Variants in BEND6 observed in about 807,000 individuals in gnomAD.
The protein encoded by BEND6 is BEN domain containing 6, also known as BEN domain-containing protein 6.
BEND6 carries 24 observed loss-of-function variants against 31.8 expected under a neutral mutation model. That is an observed-to-expected ratio of 0.75 (90% CI 0.55 to 1.06). The LOEUF (loss-of-function observed/expected upper bound fraction) is 1.06. BEND6 is among the 50% of genes least tolerant of loss of function. BEND6 has a pLI of 0.00. For synonymous variants in BEND6, 109 were observed against 114.6 expected (o/e 0.95, Z 0.31); for missense variants, 294 against 327.4 (o/e 0.90, Z 0.79).
At chr6:56,956,706 G>A (rs1303298757) in intron 1 of BEND6, among the ~76,000 whole-genome samples, 2 of 152,222 alleles carry the variant, frequency 1.3e-5, no homozygotes, top group East Asian at 3.8e-4. Context: ...GGCTTCATGG[G>A]TCTCTAGCAC....
At chr6:56,985,920 G>A in intron 2 of BEND6, among the ~76,000 whole-genome samples, 1 of 152,200 alleles carries the variant, frequency 6.6e-6, no homozygotes, top group African/African-American at 2.4e-5. Flanking sequence ...ATATGTGTCT[G>A]TTAACTTCAT....
intron 3 of BEND6, among the ~76,000 whole-genome samples, chr6:56,994,195 C>T (rs1473820971): frequency 6.6e-6 from 1 of 151,934 alleles, no homozygotes; most frequent in Non-Finnish European, 1.5e-5. Flanking sequence ...CGCAGTGGCT[C>T]ACGCCTGTAA....
chr6:57,013,111 T>C (rs190130754), intron 3 of BEND6, among the ~76,000 whole-genome samples: 2 of 152,316 alleles, frequency 1.3e-5, no homozygotes, highest in African/African-American at 4.8e-5. Flanking sequence ...ATTTTTTGCA[T>C]ATACCTCAAG....
At position 56,992,499 on chromosome 6, in the gene BEND6, T is replaced by C; in HGVS notation, c.242T>C (p.Leu81Pro). The change falls in exon 3 of 7, where the codon CTA becomes CCA. Residue 81 changes from leucine (L) to proline (P), a missense_variant. Coordinates refer to ENST00000370746, the MANE Select transcript of BEND6 (RefSeq NM_152731.3). ...AAAATAAAAAGCCTGAAAGAAAAAC[T>C]AACAAACACCCGGAAAGAAAACAGC... ...CAKIKSLKEK[L>P]TNTRKENSRL... The C allele has an allele frequency of 6.2e-7, 1 of 1,614,034 alleles. No homozygotes were observed. Among genetic ancestry groups the C allele is most frequent in the Non-Finnish European group, 8.5e-7 (1 of 1,179,978 alleles).
At chr6:56,963,567 C>G (rs1825360293) in intron 1 of BEND6, among the ~76,000 whole-genome samples, 1 of 152,032 alleles carries the variant, frequency 6.6e-6, no homozygotes, top group Non-Finnish European at 1.5e-5. Flanking sequence ...ACCTGGCTGT[C>G]CTTTATAAAA....
intron 2 of BEND6, among the ~76,000 whole-genome samples, chr6:56,985,582 C>T (rs568118116): frequency 2.6e-5 from 4 of 152,298 alleles, no homozygotes; most frequent in South Asian, 2.1e-4. Context: ...CAAAATACTC[C>T]TGCTCATATC....
At chr6:57,003,422 G>A (rs1213730967) in intron 3 of BEND6, among the ~76,000 whole-genome samples, 1 of 152,072 alleles carries the variant, frequency 6.6e-6, no homozygotes, top group African/African-American at 2.4e-5. Flanking sequence ...GATTGCTTGA[G>A]CCCGAGAGAT....
At chr6:56,973,130 C>A (rs561206636) in intron 1 of BEND6, among the ~76,000 whole-genome samples, 16 of 152,240 alleles carry the variant, frequency 1.1e-4, no homozygotes, top group African/African-American at 3.6e-4. Flanking sequence ...TGAGAGAACC[C>A]TTCCTGGAGT....
At chr6:57,018,132 C>T (rs1282256328) in intron 5 of BEND6, among the ~76,000 whole-genome samples, 1 of 152,126 alleles carries the variant, frequency 6.6e-6, no homozygotes, top group Admixed American at 6.5e-5. Flanking sequence ...AAATACATTC[C>T]TAACATTTTA....
At chr6:57,004,137 C>T (rs1477692138) in intron 3 of BEND6, among the ~76,000 whole-genome samples, 1 of 152,174 alleles carries the variant, frequency 6.6e-6, no homozygotes, top group Non-Finnish European at 1.5e-5. Context: ...TGACCACTGT[C>T]ATCACTCCTA....
At chr6:56,970,216 A>G (rs570414121) in intron 1 of BEND6, among the ~76,000 whole-genome samples, 1 of 151,398 alleles carries the variant, frequency 6.6e-6, no homozygotes, top group Non-Finnish European at 1.5e-5. Context: ...TTTTTTTGAG[A>G]CAGAGTCTCA....
At chr6:56,968,312 C>CTTTTTTTTTTTTTTTTTTTT (rs779756084) in intron 1 of BEND6, among the ~76,000 whole-genome samples, 5 of 65,988 alleles carry the variant, frequency 7.6e-5, no homozygotes, top group African/African-American at 1.3e-4. Flanking sequence ...TCTTTCTTTT[C>CTTTTTTTTTTTTTTTTTTTT]TTTTTTTTTT....
At chr6:57,011,742 AAAAGAAAAGAAAAGAAAAAGAAAGAAAG>A (rs1395307686) in intron 3 of BEND6, among the ~76,000 whole-genome samples, 1 of 147,850 alleles carries the variant, frequency 6.8e-6, no homozygotes, top group Non-Finnish European at 1.5e-5. Context: ...AAAAGAAAAA[AAAAGAAAAGAAAAGAAAAAGAAAGAAAG>A]AAAGAAAAGA....
chr6:56,987,361 T>C (rs73455810), intron 2 of BEND6, among the ~76,000 whole-genome samples: 2,721 of 152,276 alleles, frequency 0.018, 93 homozygotes, highest in African/African-American at 0.062. Flanking sequence ...CTCCAGCTGT[T>C]TTGCATGAGC....
At chr6:56,990,837 C>T (rs992754162) in intron 2 of BEND6, among the ~76,000 whole-genome samples, 7 of 152,276 alleles carry the variant, frequency 4.6e-5, no homozygotes, top group Non-Finnish European at 1.0e-4. Flanking sequence ...CTACAGGAGT[C>T]AGACAATCTT....
At chr6:56,991,160 C>A (rs1444492054) in intron 2 of BEND6, among the ~76,000 whole-genome samples, 1 of 152,180 alleles carries the variant, frequency 6.6e-6, no homozygotes, top group Non-Finnish European at 1.5e-5. Context: ...TATCTCTGAA[C>A]ATGATGTCTC....
intron 1 of BEND6, among the ~76,000 whole-genome samples, chr6:56,972,196 G>A (rs1431660428): frequency 7.1e-6 from 1 of 139,912 alleles, no homozygotes; most frequent in African/African-American, 2.6e-5. Flanking sequence ...CTGGGTTCAA[G>A]CAATTCTCCT....
At chr6:56,994,459 A>C (rs1826629193) in intron 3 of BEND6, among the ~76,000 whole-genome samples, 1 of 100,538 alleles carries the variant, frequency 9.9e-6, no homozygotes, top group Non-Finnish European at 2.2e-5. Flanking sequence ...CTCCATCTCA[A>C]AAAAAAAAAA....
intron 2 of BEND6, among the ~76,000 whole-genome samples, chr6:56,989,174 TTATC>T (rs1826400344): frequency 6.6e-6 from 1 of 150,808 alleles, no homozygotes; most frequent in African/African-American, 2.4e-5. Context: ...TAATCTATAT[TTATC>T]TAGATAATGT....
Sources: gnomAD v4.1 joint callset for allele counts (sites outside exome capture counted in the v4.1 genomes callset) on GRCh38, gnomAD v4.1.1 for gene constraint, MANE v1.5 for transcripts, NCBI Gene and HGNC (gene_info 2026-07-23, HGNC 2026-07-21) for gene names.